The following DOK6 variants were observed in gnomAD, a reference collection of about 807,000 sequenced individuals.
The protein encoded by DOK6 is downstream of tyrosine kinase 6.
In DOK6, 22 loss-of-function variants were observed where a neutral mutation model predicts 44.0. The ratio of observed to expected loss-of-function variants is 0.50; its 90% confidence interval spans 0.36 to 0.71. DOK6 has a LOEUF of 0.71. DOK6 is among the 30% of genes least tolerant of loss of function. The pLI, the probability that DOK6 is intolerant of heterozygous loss-of-function variation, is 0.00. For missense variants in DOK6, 340 were observed against 416.4 expected, an observed-to-expected ratio of 0.82 and a Z score of 1.60; for synonymous variants, 166 against 145.5, an observed-to-expected ratio of 1.14 and a Z score of -1.01.
At chr18:69,617,383 AAGAG>A (rs1213996264) in intron 3 of DOK6, among the ~76,000 whole-genome samples, 12 of 151,084 alleles carry the variant, frequency 7.9e-5, no homozygotes, top group Middle Eastern at 3.4e-3. Flanking sequence ...ATAGGAGAAA[AAGAG>A]AGAGAGAGAA....
Position 69,553,972 on chromosome 18 carries a change from C to A in DOK6, c.67-10515C>A, listed in dbSNP as rs571577603. ...ACTGCCTTCTGCTATCCTTGAAAAT[C>A]CTAGCAAAGGATCAATTCTTCTGTC... On this transcript the variant is annotated intron_variant, in intron 1 of 7. Transcript: ENST00000382713. 2.0e-5 allele frequency among the ~76,000 whole-genome samples: 3 copies of A among 152,220 alleles called. No homozygotes were observed. In the South Asian group the frequency reaches 6.2e-4, roughly 32 times the overall value.
chr18:69,591,010 G>A (rs776896998), intron 2 of DOK6, among the ~76,000 whole-genome samples: 1 of 152,062 alleles, frequency 6.6e-6, no homozygotes, highest in African/African-American at 2.4e-5. Context: ...CACTGTTTTG[G>A]TGCATTTGCA....
intron 1 of DOK6, among the ~76,000 whole-genome samples, chr18:69,529,971 G>A (rs1981938845): frequency 6.6e-6 from 1 of 151,982 alleles, no homozygotes; most frequent in South Asian, 2.1e-4. Flanking sequence ...CTTGTTTCTG[G>A]CAAGTCCATT....
intron 1 of DOK6, among the ~76,000 whole-genome samples, chr18:69,413,942 A>G (rs1978317274): frequency 6.6e-6 from 1 of 151,944 alleles, no homozygotes. Context: ...GGACATGAAC[A>G]TACATTTCAC....
At chr18:69,749,802 C>T (rs571796050) in intron 6 of DOK6, among the ~76,000 whole-genome samples, 11 of 151,538 alleles carry the variant, frequency 7.3e-5, no homozygotes, top group Non-Finnish European at 8.8e-5. Flanking sequence ...ATTAGCTGGG[C>T]GTGATGGTGC....
Position 69,526,569 on chromosome 18 carries a change from G to A in DOK6, c.67-37918G>A, listed in dbSNP as rs149470956. ...TATAAACATTCATGTACAAGTTTTT[G>A]TGTGTACATATGTTTTCATTTCTCT... is the stretch of plus-strand genomic sequence containing the variant. On this transcript the variant is annotated intron_variant, in intron 1 of 7. Transcript: ENST00000382713. 3.6e-3 allele frequency among the ~76,000 whole-genome samples: 545 copies of A among 152,208 alleles called. 1 individual carries two copies. The highest frequency in any genetic ancestry group is 6.1e-3 in the Non-Finnish European group (416 of 67,996).
intron 1 of DOK6, among the ~76,000 whole-genome samples, chr18:69,559,266 G>T (rs940230921): frequency 2.0e-5 from 3 of 152,066 alleles, no homozygotes; most frequent in Non-Finnish European, 4.4e-5. Flanking sequence ...ATTACAGTCA[G>T]CAAGTATGTG....
intron 1 of DOK6, among the ~76,000 whole-genome samples, chr18:69,507,349 G>C (rs1190176304): frequency 6.6e-6 from 1 of 151,932 alleles, no homozygotes; most frequent in Non-Finnish European, 1.5e-5. Context: ...TTTAAAATAA[G>C]TCTTAATATC....
At chr18:69,524,839 A>T (rs1981785597) in intron 1 of DOK6, among the ~76,000 whole-genome samples, 1 of 151,904 alleles carries the variant, frequency 6.6e-6, no homozygotes, top group South Asian at 2.1e-4. Flanking sequence ...GAAAAGAAAT[A>T]GGGAGAGTTT....
At chr18:69,433,484 T>C (rs887784879) in intron 1 of DOK6, among the ~76,000 whole-genome samples, 1 of 152,150 alleles carries the variant, frequency 6.6e-6, no homozygotes, top group Non-Finnish European at 1.5e-5. Context: ...TAAAAATGCA[T>C]TTAACCAAAA....
At chr18:69,607,528 C>T (rs1984031808) in intron 3 of DOK6, among the ~76,000 whole-genome samples, 1 of 152,002 alleles carries the variant, frequency 6.6e-6, no homozygotes, top group African/African-American at 2.4e-5. Flanking sequence ...TAAACTTCTT[C>T]CAAAACACAA....
At chr18:69,564,355 T>G in intron 1 of DOK6, 132 bp from the exon 2 acceptor site, 4 of 677,802 alleles carry the variant, frequency 5.9e-6, no homozygotes, top group Non-Finnish European at 9.9e-6. Flanking sequence ...TAATCTTAAT[T>G]AAGAACATGT....
intron 1 of DOK6, among the ~76,000 whole-genome samples, chr18:69,549,549 A>C (rs113135834): frequency 6.6e-6 from 1 of 151,634 alleles, no homozygotes; most frequent in African/African-American, 2.4e-5. Context: ...CTAGTTCTTG[A>C]TTAGGCATTT....
At chr18:69,801,432 C>T (rs180831901) in intron 7 of DOK6, among the ~76,000 whole-genome samples, 7 of 152,254 alleles carry the variant, frequency 4.6e-5, no homozygotes, top group Admixed American at 1.3e-4. Context: ...TTCAAGGCCA[C>T]CAAATATCGG....
intron 7 of DOK6, among the ~76,000 whole-genome samples, chr18:69,784,426 A>G (rs897366246): frequency 6.6e-6 from 1 of 151,626 alleles, no homozygotes; most frequent in African/African-American, 2.4e-5. Flanking sequence ...ATATAAATAA[A>G]TTATTCTCAT....
intron 7 of DOK6, among the ~76,000 whole-genome samples, chr18:69,820,601 A>G (rs894975312): frequency 6.6e-6 from 1 of 152,198 alleles, no homozygotes; most frequent in African/African-American, 2.4e-5. Context: ...TACAGAAGCA[A>G]TAAGAAAATA....
At chr18:69,609,897 A>C (rs1323448702) in intron 3 of DOK6, among the ~76,000 whole-genome samples, 3 of 152,230 alleles carry the variant, frequency 2.0e-5, no homozygotes, top group Non-Finnish European at 4.4e-5. Flanking sequence ...TCTTGAGAGC[A>C]TTATATTAAG....
At position 69,434,284 on chromosome 18, in the gene DOK6, G is replaced by A. The variant is rs532553252; in HGVS notation, c.66+32974G>A. ...TTCTTGATTAACGTTTCTGCCACAT[G>A]TTCTCCATGTGATCTTGGACAAGTT... On this transcript the variant is annotated intron_variant, in intron 1 of 7. Transcript: ENST00000382713. Among the ~76,000 whole-genome samples, 40 of 152,264 alleles carry A rather than the reference G, an allele frequency of 2.6e-4. No homozygotes were observed. The South Asian group carries it at 2.9e-3, about 11-fold the overall frequency.
At chr18:69,682,368 C>T (rs529638985) in intron 4 of DOK6, among the ~76,000 whole-genome samples, 2 of 152,260 alleles carry the variant, frequency 1.3e-5, no homozygotes, top group Admixed American at 1.3e-4. Flanking sequence ...GACCTATAAG[C>T]AGATCTTCGT....
Sources: allele counts gnomAD v4.1 joint callset (sites outside exome capture counted in the v4.1 genomes callset), GRCh38; gene constraint gnomAD v4.1.1; transcripts MANE v1.5; gene names NCBI Gene and HGNC (gene_info 2026-07-23, HGNC 2026-07-21).